SLC9B2: variants seen among roughly 807,000 people sequenced by gnomAD.
SLC9B2 encodes sodium/hydrogen exchanger 9B2.
Under a neutral mutation model 52.2 loss-of-function variants are expected in SLC9B2, and 39 were observed. That is an observed-to-expected ratio of 0.75 (90% CI 0.58 to 0.98). The LOEUF is 0.98. SLC9B2 is among the 50% of genes least tolerant of loss of function. The pLI, the probability that SLC9B2 is intolerant of heterozygous loss-of-function variation, is 0.00. For missense variants in SLC9B2, 626 were observed against 637.5 expected (o/e 0.98, Z 0.19); for synonymous variants, 214 against 227.0 (o/e 0.94, Z 0.51).
At chr4:103,062,980 T>C (rs573488498) in intron 3 of SLC9B2, among the ~76,000 whole-genome samples, 1 of 152,356 alleles carries the variant, frequency 6.6e-6, no homozygotes, top group East Asian at 1.9e-4. Flanking sequence ...AGTCGTCTTG[T>C]AAACCTCTGG....
chr4:103,072,468 T>A (rs1006102039), intron 1 of SLC9B2, among the ~76,000 whole-genome samples: 1 of 152,350 alleles, frequency 6.6e-6, no homozygotes, highest in East Asian at 1.9e-4. Context: ...TACTCACCCC[T>A]GTTCCTTCTG....
At chr4:103,021,411 T>C (rs1046122932), downstream of SLC9B2, among the ~76,000 whole-genome samples, 8 of 152,154 alleles carry the variant, frequency 5.3e-5, no homozygotes, top group African/African-American at 1.9e-4. Context: ...ATGATTCATA[T>C]AAAAATATAA....
intron 9 of SLC9B2, among the ~76,000 whole-genome samples, chr4:103,039,064 T>C (rs1743409372): frequency 6.6e-6 from 1 of 152,208 alleles, no homozygotes; most frequent in Non-Finnish European, 1.5e-5. Context: ...ACATAATAGT[T>C]ACAGCAATTT....
In SLC9B2 at chr4:103,026,390, C is replaced by A; in HGVS notation, c.1594G>T (p.Glu532Ter). The part of the protein sequence containing the change: ...HQNKDEEVQG[E>*]TSVQV The stretch of plus-strand genomic sequence containing the variant: ...CACCTCTAAACTTGCACAGAAGTCT[C>A]TCCTTGAACTTCTTCATCTTTATTT... The change falls in exon 12 of 12, where the codon GAG becomes TAG. Residue 532 changes from glutamate to a stop codon, truncating the protein, a stop_gained. Transcript: ENST00000394785. LOFTEE classifies it high-confidence loss of function. 6.2e-7 allele frequency: 1 copy of A among 1,612,920 alleles called. No homozygotes were observed.
chr4:103,068,625 C>A (rs1053439179), intron 1 of SLC9B2, among the ~76,000 whole-genome samples: 1 of 152,210 alleles, frequency 6.6e-6, no homozygotes, highest in African/African-American at 2.4e-5. Flanking sequence ...GACTGCCAAG[C>A]ATTGGGGTAA....
chr4:103,074,003 C>T (rs184416402), intron 1 of SLC9B2, among the ~76,000 whole-genome samples: 231 of 152,286 alleles, frequency 1.5e-3, no homozygotes, highest in African/African-American at 5.2e-3. Context: ...GAGCATGATT[C>T]ATTTCTTGCC....
Position 103,050,404 on chromosome 4 carries a change from T to C in SLC9B2, c.443-22A>G, listed in dbSNP as rs571897207. 8.4e-6 allele frequency: 13 copies of C among 1,548,022 alleles called. 1 individual carries two copies. In the East Asian group the frequency reaches 2.8e-4, roughly 34 times the overall value. On this transcript the variant is annotated intron_variant, in intron 4 of 11. Transcript: ENST00000394785. The stretch of plus-strand genomic sequence containing the variant: ...ATGCCTTGAACGAAGAAATCAAACA[T>C]ATCTAGTTAGTTTTCAAATACAGAA...
intron 6 of SLC9B2, among the ~76,000 whole-genome samples, chr4:103,048,308 T>G (rs767341361): frequency 6.6e-6 from 1 of 152,188 alleles, no homozygotes; most frequent in Non-Finnish European, 1.5e-5. Context: ...ACAGAGAGAT[T>G]AAATACTTGT....
rs772146081 is a variant in SLC9B2, at chr4:103,026,336, T to C, written c.*34A>G. ...CATCTTGAAAAAAGTAGCAGCTTTC[T>C]AAACATTATGTTCAGCACTCTCTCT... is the stretch of plus-strand genomic sequence containing the variant. On this transcript the variant is annotated 3_prime_UTR_variant, in exon 12 of 12. Transcript: ENST00000394785. 2 of 1,531,960 alleles carry C rather than the reference T, an allele frequency of 1.3e-6. No individual in the cohort carries two copies. The highest frequency in any genetic ancestry group is 1.8e-4 in the Middle Eastern group (1 of 5,714). The allele number at this position is 1,531,960 out of a possible 1,614,324, so 94.9% of individuals were successfully genotyped here.
At chr4:103,038,441 A>G (rs1483756866) in intron 9 of SLC9B2, among the ~76,000 whole-genome samples, 1 of 152,224 alleles carries the variant, frequency 6.6e-6, no homozygotes, top group Non-Finnish European at 1.5e-5. Context: ...AAACATAGAA[A>G]AACATAGAAA....
chr4:103,048,706 G>A, intron 6 of SLC9B2, 187 bp downstream of exon 6: 1 of 663,978 alleles, frequency 1.5e-6, no homozygotes, highest in Non-Finnish European at 2.4e-6. Flanking sequence ...GGTGCTAACT[G>A]TAAGAGTTAG....
intron 1 of SLC9B2, among the ~76,000 whole-genome samples, chr4:103,075,375 C>T (rs956159771): frequency 3.9e-5 from 6 of 152,158 alleles, no homozygotes; most frequent in Admixed American, 2.6e-4. Context: ...GTCTCGAACT[C>T]CTGACCTCAG....
downstream of SLC9B2, among the ~76,000 whole-genome samples, chr4:103,019,114 G>T (rs890509051): frequency 2.6e-5 from 4 of 152,058 alleles, no homozygotes; most frequent in Admixed American, 1.3e-4. Flanking sequence ...TGTCCCCTGG[G>T]TTAAAGCCAA....
At chr4:103,027,718 T>C (rs1742349835) in intron 11 of SLC9B2, among the ~76,000 whole-genome samples, 1 of 152,178 alleles carries the variant, frequency 6.6e-6, no homozygotes, top group Non-Finnish European at 1.5e-5. Flanking sequence ...ATAGAACTCC[T>C]GGAGTTTGGC....
At chr4:103,031,402 G>C (rs1742688512) in intron 10 of SLC9B2, among the ~76,000 whole-genome samples, 1 of 151,994 alleles carries the variant, frequency 6.6e-6, no homozygotes, top group Non-Finnish European at 1.5e-5. Flanking sequence ...CTTACCCTTG[G>C]AAAAAGAATT....
At chr4:103,019,791 G>A, downstream of SLC9B2, 2 of 985,660 alleles carry the variant, frequency 2.0e-6, no homozygotes, top group Non-Finnish European at 2.4e-6. Flanking sequence ...CGCCGGCAGA[G>A]GCGAGGGTTC....
chr4:103,056,304 G>A (rs918710557), intron 4 of SLC9B2, among the ~76,000 whole-genome samples: 2 of 152,030 alleles, frequency 1.3e-5, no homozygotes, highest in East Asian at 1.9e-4. Context: ...CTAGAGTGCA[G>A]TGGTGTGATC....
rs1263509392 is a variant in SLC9B2 at position 103,024,795 on chromosome 4, G to A, written c.*1575C>T. Among the ~76,000 whole-genome samples, 3 of 152,186 alleles carry A rather than the reference G, an allele frequency of 2.0e-5. No individual in the cohort carries two copies. The highest frequency in any genetic ancestry group is 4.4e-5 in the Non-Finnish European group (3 of 68,014). On this transcript the variant is annotated 3_prime_UTR_variant, in exon 12 of 12. Coordinates refer to ENST00000394785, the MANE Select transcript of SLC9B2 (RefSeq NM_178833.7). ...CAGTAACTACACAGAAGATGACCTA[G>A]AGTGAAGAGGAACTTATGAGTGATA...
At position 103,024,286 on chromosome 4, in the gene SLC9B2, G is replaced by C. The variant is rs1742024943; in HGVS notation, c.*2084C>G. Among the ~76,000 whole-genome samples the C allele has an allele frequency of 1.3e-5, 2 of 152,134 alleles. No homozygotes were observed. The highest frequency in any genetic ancestry group is 4.1e-4 in the South Asian group (2 of 4,820). ...ACTTTTAGAGCCTGCAAAAATAGAG[G>C]ACCAGATGATCATTAAGTTTATGGT... On this transcript the variant is annotated 3_prime_UTR_variant, in exon 12 of 12. Coordinates refer to ENST00000394785, the MANE Select transcript of SLC9B2 (RefSeq NM_178833.7).
Sources: gnomAD v4.1 joint callset for allele counts (sites outside exome capture counted in the v4.1 genomes callset) on GRCh38, gnomAD v4.1.1 for gene constraint, MANE v1.5 for transcripts, NCBI Gene and HGNC (gene_info 2026-07-23, HGNC 2026-07-21) for gene names.